Variants in WAPL observed in about 807,000 individuals in gnomAD.
WAPL encodes the protein wings apart-like protein homolog.
A neutral mutation model predicts 121.0 loss-of-function variants in WAPL; 5 were observed. The observed-to-expected ratio is 0.04, with a 90% CI of 0.02 to 0.09. The LOEUF (loss-of-function observed/expected upper bound fraction) is 0.09, where lower values mean the gene tolerates loss of function less well. WAPL is among the 10% of genes least tolerant of loss of function. WAPL has a pLI of 1.00. For missense variants in WAPL, 999 were observed against 1,410.8 expected, an observed-to-expected ratio of 0.71 and a Z score of 4.68; for synonymous variants, 480 against 481.5, an observed-to-expected ratio of 1.00 and a Z score of 0.04.
Position 86,471,080 on chromosome 10 carries a change from C to A in WAPL, c.2054G>T (p.Cys685Phe). The A allele has an allele frequency of 6.2e-7, 1 of 1,613,756 alleles. No homozygotes were observed. The highest frequency in any genetic ancestry group is 8.5e-7 in the Non-Finnish European group (1 of 1,179,860). ...CLSVISLATK[C>F]AMPSFRMHLR... ...GTGCATTCGAAAACTGGGCATGGCACATTTAGTAGCCAAGCTAATAACACT... is the reference window on the plus strand; with the variant it reads ...GTGCATTCGAAAACTGGGCATGGCAAATTTAGTAGCCAAGCTAATAACACT... Residue 685 changes from cysteine to phenylalanine, a missense_variant, in exon 8 of 19, where the codon TGT (cysteine) becomes TTT (phenylalanine). By Grantham distance (205) the Cys-to-Phe change is radical (BLOSUM62 -2). Transcript: ENST00000298767.
intron 9 of WAPL, among the ~76,000 whole-genome samples, chr10:86,465,933 TTTTC>T (rs1447196174): frequency 6.6e-6 from 1 of 152,194 alleles, no homozygotes; most frequent in African/African-American, 2.4e-5. Context: ...AACACTTATT[TTTTC>T]TTTTTTTCTT....
chr10:86,503,530 G>A (rs1260333584), intron 2 of WAPL, among the ~76,000 whole-genome samples: 1 of 151,726 alleles, frequency 6.6e-6, no homozygotes, highest in African/African-American at 2.4e-5. Flanking sequence ...AAGCGGGTGG[G>A]TCATCAGGTC....
At chr10:86,454,385 A>G (rs895404625) in intron 12 of WAPL, among the ~76,000 whole-genome samples, 1 of 151,236 alleles carries the variant, frequency 6.6e-6, no homozygotes. Context: ...TCCCTCCACA[A>G]TCTCCCTCTC....
chr10:86,500,506 A>T lies in WAPL; in HGVS notation c.737T>A (p.Ile246Asn), dbSNP rs544339822. 6.2e-7 allele frequency: 1 copy of T among 1,614,162 alleles called. No homozygotes were observed. The highest frequency in any genetic ancestry group is 8.5e-7 in the Non-Finnish European group (1 of 1,180,030). The stretch of plus-strand genomic sequence containing the variant: ...ACTTAAAATACAGTCTTCTGATCTG[A>T]TATCTTCAAAATCATTATCCCATTC... ...LFEWDNDFED[I>N]RSEDCILSLD... is the part of the protein sequence containing the mutation. Residue 246 changes from isoleucine to asparagine, a missense_variant, in exon 3 of 19, where the codon ATC (isoleucine) becomes AAC (asparagine). By Grantham distance (149) the Ile-to-Asn change is moderately radical. Transcript: ENST00000298767.
At chr10:86,510,320 G>C (rs7081638) in intron 2 of WAPL, among the ~76,000 whole-genome samples, 1 of 152,000 alleles carries the variant, frequency 6.6e-6, no homozygotes, top group Admixed American at 6.6e-5. Context: ...TGATCCACCC[G>C]CCTTGCCTCC....
rs1221818671 is a variant in WAPL, at chr10:86,460,560, T to C, written c.2483-64A>G. ...TCGATACTTACCAATAGAATACTTT[T>C]AGCTAACATTAGAAGCCATCTGTAC... On this transcript the variant is annotated intron_variant, in intron 10 of 18. Transcript: ENST00000298767. The C allele has an allele frequency of 1.3e-5, 17 of 1,350,802 alleles. 1 individual carries two copies. Among genetic ancestry groups the C allele is most frequent in the Admixed American group, 1.8e-5 (1 of 54,276 alleles). The allele number at this position is 1,350,802 out of a possible 1,614,324, so 83.7% of individuals were successfully genotyped here.
At chr10:86,443,174 G>T in intron 17 of WAPL, 101 bp downstream of exon 17, 2 of 887,394 alleles carry the variant, frequency 2.3e-6, no homozygotes, top group Non-Finnish European at 1.7e-6. Flanking sequence ...CATTAAGGGG[G>T]AAACACTGAA....
At chr10:86,478,742 T>A (rs1841717590) in intron 4 of WAPL, among the ~76,000 whole-genome samples, 1 of 152,182 alleles carries the variant, frequency 6.6e-6, no homozygotes, top group South Asian at 2.1e-4. Context: ...AAGTTGGTTT[T>A]TACAATAACA....
At chr10:86,441,613 T>C (rs928278685) in intron 17 of WAPL, among the ~76,000 whole-genome samples, 11 of 150,076 alleles carry the variant, frequency 7.3e-5, no homozygotes, top group Admixed American at 5.3e-4. Flanking sequence ...GCCCTATTAC[T>C]GCTAGGCACT....
chr10:86,459,111 A>C (rs1564567463), intron 11 of WAPL, 46 bp from the exon 12 acceptor site: 1 of 1,487,570 alleles, frequency 6.7e-7, no homozygotes, highest in East Asian at 2.3e-5. Flanking sequence ...CAAAACTTTC[A>C]TTCATTCATG....
intron 15 of WAPL, among the ~76,000 whole-genome samples, chr10:86,448,660 G>A (rs1840896409): frequency 6.6e-6 from 1 of 152,090 alleles, no homozygotes; most frequent in African/African-American, 2.4e-5. Context: ...CATTGCCCAG[G>A]CTGGAGTGCA....
At chr10:86,448,926 C>T (rs1840902364) in intron 15 of WAPL, among the ~76,000 whole-genome samples, 1 of 152,186 alleles carries the variant, frequency 6.6e-6, no homozygotes, top group East Asian at 1.9e-4. Context: ...CTGGCCTGCA[C>T]ATTTATTTTG....
At chr10:86,475,999 A>G (rs1841642411) in intron 4 of WAPL, among the ~76,000 whole-genome samples, 1 of 152,262 alleles carries the variant, frequency 6.6e-6, no homozygotes, top group African/African-American at 2.4e-5. Context: ...CCTGGGCAAG[A>G]AAGCAAGATC....
chr10:86,460,152 T>C (rs758637219), intron 11 of WAPL, among the ~76,000 whole-genome samples: 2 of 152,120 alleles, frequency 1.3e-5, no homozygotes, highest in African/African-American at 2.4e-5. Flanking sequence ...TTAAAAAAGA[T>C]TGGCATATGT....
At chr10:86,453,430 G>T in intron 13 of WAPL, 95 bp from the exon 14 acceptor site, 1 of 1,343,468 alleles carries the variant, frequency 7.4e-7, no homozygotes, top group Admixed American at 2.0e-5. Context: ...ACTTAGAATT[G>T]TATAGTCATT....
At chr10:86,492,966 C>T (rs1049723803) in intron 4 of WAPL, among the ~76,000 whole-genome samples, 2 of 151,336 alleles carry the variant, frequency 1.3e-5, no homozygotes, top group South Asian at 2.1e-4. Flanking sequence ...GAGGCTGAGG[C>T]GGGAGAATGG....
chr10:86,472,820 G>A lies in WAPL; in HGVS notation c.1741-56C>T, dbSNP rs928588351. The A allele has an allele frequency of 1.7e-5, 25 of 1,470,628 alleles. No homozygotes were observed. Among genetic ancestry groups the A allele is most frequent in the Middle Eastern group, 2.4e-4 (1 of 4,144 alleles). The allele number at this position is 1,470,628 out of a possible 1,614,324, so 91.1% of individuals were successfully genotyped here. On this transcript the variant is annotated intron_variant, in intron 5 of 18. Transcript: ENST00000298767. This position sits in a 1 kb window ranked among gnomAD's most constrained non-coding sequence, Gnocchi z 4.2. ...TAAATAAATATATAAAAATAGGAAC[G>A]TCTCATCTATCTGGCAAATTCAGCT...
intron 4 of WAPL, among the ~76,000 whole-genome samples, chr10:86,474,733 A>G (rs940317061): frequency 3.3e-5 from 5 of 152,180 alleles, no homozygotes; most frequent in Non-Finnish European, 4.4e-5. Flanking sequence ...TCTCAAAAAA[A>G]TTTAAAAAAT....
At chr10:86,485,974 A>G (rs913881146) in intron 4 of WAPL, among the ~76,000 whole-genome samples, 1 of 152,222 alleles carries the variant, frequency 6.6e-6, no homozygotes, top group Non-Finnish European at 1.5e-5. Context: ...GCTCAGCTTC[A>G]ACAACTCTTT....
Sources: gnomAD v4.1 joint callset for allele counts (sites outside exome capture counted in the v4.1 genomes callset) on GRCh38, gnomAD v4.1.1 for gene constraint, Gnocchi (gnomAD v3.1) non-coding constraint, MANE v1.5 for transcripts, NCBI Gene and HGNC (gene_info 2026-07-23, HGNC 2026-07-21) for gene names.